Variants in ABLIM1 observed in about 807,000 individuals in gnomAD.
The protein encoded by ABLIM1 is actin binding LIM protein 1, also known as actin-binding LIM protein 1.
ABLIM1 carries 40 observed loss-of-function variants against 107.0 expected under a neutral mutation model. The observed-to-expected ratio is 0.37, with a 90% CI of 0.29 to 0.49. ABLIM1 has a LOEUF of 0.49. Among genes scored for constraint, ABLIM1 ranks in the 20% least tolerant of loss-of-function variants. The pLI is 0.97. For synonymous variants in ABLIM1, 357 were observed against 357.3 expected (o/e 1.00, Z 0.01); for missense variants, 857 against 1,008.5 (o/e 0.85, Z 2.04).
Position 114,443,041 on chromosome 10 carries a change from T to C in ABLIM1, c.1933+988A>G, listed in dbSNP as rs185200458. Among the ~76,000 whole-genome samples the C allele has an allele frequency of 6.3e-3, 958 of 152,082 alleles. 4 individuals are homozygous for C. Among genetic ancestry groups the C allele is most frequent in the African/African-American group, 9.6e-3 (399 of 41,500 alleles). On this transcript the variant is annotated intron_variant, in intron 17 of 22. Coordinates refer to ENST00000533213, the MANE Select transcript of ABLIM1 (RefSeq NM_002313.7). ...TTTTAGTAGAGACGGGGTTTCACTG[T>C]GTTAGCCAGGATGGTCTCGATCTCC...
the ABLIM1 span, among the ~76,000 whole-genome samples, chr10:114,773,434 C>T: frequency 2.0e-4 from 30 of 152,190 alleles, no homozygotes; most frequent in South Asian, 4.2e-4. Flanking sequence ...TAAAATTTCA[C>T]GAATAGGCCA....
intron 2 of ABLIM1, among the ~76,000 whole-genome samples, chr10:114,584,242 C>T (rs1291921395): frequency 3.3e-5 from 5 of 152,162 alleles, no homozygotes; most frequent in East Asian, 3.8e-4. Flanking sequence ...CTGGAGCAAA[C>T]GCAGGGTACA....
intron 1 of ABLIM1, among the ~76,000 whole-genome samples, chr10:114,663,544 T>C (rs1338494225): frequency 1.3e-5 from 2 of 152,242 alleles, no homozygotes. Context: ...TGGCCATTAT[T>C]AATGCTCTGC....
intron 6 of ABLIM1, among the ~76,000 whole-genome samples, chr10:114,543,865 G>A (rs559238936): frequency 4.6e-5 from 7 of 152,102 alleles, no homozygotes; most frequent in Non-Finnish European, 1.0e-4. Flanking sequence ...CCTCTTCCTC[G>A]GGCTAAGAGG....
intron 1 of ABLIM1, among the ~76,000 whole-genome samples, chr10:114,672,796 A>T (rs2141414764): frequency 6.6e-6 from 1 of 152,278 alleles, no homozygotes; most frequent in Middle Eastern, 3.4e-3. Flanking sequence ...ATAGTATAAG[A>T]TAGTGATCAA....
intron 1 of ABLIM1, among the ~76,000 whole-genome samples, chr10:114,706,000 TA>T (rs1294877625): frequency 2.0e-5 from 3 of 152,302 alleles, no homozygotes; most frequent in Admixed American, 6.5e-5. Flanking sequence ...ATTCTTACCC[TA>T]AAGAACTGGA....
intron 1 of ABLIM1, among the ~76,000 whole-genome samples, chr10:114,746,255 C>T (rs983773126): frequency 3.9e-5 from 6 of 152,138 alleles, no homozygotes; most frequent in Non-Finnish European, 7.3e-5. Context: ...CTTACCCTAC[C>T]CCAGCCTCAG....
chr10:114,769,477 A>AG (rs1566324789), upstream of ABLIM1, among the ~76,000 whole-genome samples: 47 of 128,106 alleles, frequency 3.7e-4, no homozygotes, highest in South Asian at 1.1e-3. Context: ...GAAAGAAAGA[A>AG]AGAGAAAGAA....
chr10:114,615,161 G>GCAGA (rs2077052465), intron 1 of ABLIM1, among the ~76,000 whole-genome samples: 1 of 152,062 alleles, frequency 6.6e-6, no homozygotes, highest in African/African-American at 2.4e-5. Context: ...CAACCAGAAT[G>GCAGA]ATCTTTTAAG....
intron 1 of ABLIM1, among the ~76,000 whole-genome samples, chr10:114,704,335 T>TATATATATATATC (rs3061769): frequency 1.2e-5 from 1 of 83,388 alleles, no homozygotes; most frequent in Non-Finnish European, 2.5e-5. Context: ...TATATATATA[T>TATATATATATATC]TGCGCGCGTT....
chr10:114,516,852 A>G (rs1244193003), intron 6 of ABLIM1, among the ~76,000 whole-genome samples: 1 of 152,224 alleles, frequency 6.6e-6, no homozygotes, highest in Non-Finnish European at 1.5e-5. Flanking sequence ...CAGTTAGACT[A>G]TCAGATATGC....
intron 6 of ABLIM1, among the ~76,000 whole-genome samples, chr10:114,515,868 A>C (rs1221243447): frequency 6.6e-6 from 1 of 152,194 alleles, no homozygotes; most frequent in African/African-American, 2.4e-5. Context: ...AGAAGCTGGA[A>C]GAGGCCAGGG....
At chr10:114,526,960 C>CA in intron 6 of ABLIM1, 1 of 985,470 alleles carries the variant, frequency 1.0e-6, no homozygotes, top group Non-Finnish European at 1.2e-6. Flanking sequence ...CCAGCAACCA[C>CA]AATGGGCCAG....
intron 6 of ABLIM1, among the ~76,000 whole-genome samples, chr10:114,535,306 T>C (rs1399965338): frequency 6.6e-6 from 1 of 152,026 alleles, no homozygotes; most frequent in Non-Finnish European, 1.5e-5. Flanking sequence ...GAGCCTAGAA[T>C]AGAATCTTTT....
intron 1 of ABLIM1, among the ~76,000 whole-genome samples, chr10:114,628,267 C>T (rs181084715): frequency 6.6e-6 from 1 of 152,372 alleles, no homozygotes; most frequent in Admixed American, 6.5e-5. Context: ...CTGGAGCAAT[C>T]CTGCTCGCCA....
intron 12 of ABLIM1, among the ~76,000 whole-genome samples, chr10:114,459,858 G>A (rs567813877): frequency 4.6e-5 from 7 of 152,140 alleles, no homozygotes; most frequent in Admixed American, 1.3e-4. Context: ...AACACCTGAC[G>A]GTGTCAAACA....
upstream of ABLIM1, among the ~76,000 whole-genome samples, chr10:114,689,247 C>G (rs1241412447): frequency 6.6e-6 from 1 of 152,126 alleles, no homozygotes; most frequent in African/African-American, 2.4e-5. Context: ...ACCAATGATC[C>G]TAGGCAAATC....
At chr10:114,562,870 C>CA (rs1445541790) in intron 4 of ABLIM1, among the ~76,000 whole-genome samples, 2 of 151,998 alleles carry the variant, frequency 1.3e-5, no homozygotes, top group South Asian at 2.1e-4. Context: ...CCCAAACAAA[C>CA]AAAAAAACCA....
intron 1 of ABLIM1, among the ~76,000 whole-genome samples, chr10:114,757,641 C>T (rs1035366198): frequency 1.3e-5 from 2 of 152,172 alleles, no homozygotes; most frequent in Non-Finnish European, 2.9e-5. Flanking sequence ...ACCTGCTCTC[C>T]TCCCATTTGG....
Sources: gnomAD v4.1 joint callset for allele counts (sites outside exome capture counted in the v4.1 genomes callset) on GRCh38, gnomAD v4.1.1 for gene constraint, MANE v1.5 for transcripts, NCBI Gene and HGNC (gene_info 2026-07-23, HGNC 2026-07-21) for gene names.